Variants in BANK1 observed in about 807,000 individuals in gnomAD.
The protein encoded by BANK1 is B cell scaffold protein with ankyrin repeats 1.
Under a neutral mutation model 94.5 loss-of-function variants are expected in BANK1, and 95 were observed. That is an observed-to-expected ratio of 1.00 (90% CI 0.85 to 1.19). BANK1 has a LOEUF of 1.19. Among genes scored for constraint, BANK1 ranks in the 50% most tolerant of loss-of-function variants. The pLI, the probability that BANK1 is intolerant of heterozygous loss-of-function variation, is 0.00. For missense variants in BANK1, 987 were observed against 932.2 expected, an observed-to-expected ratio of 1.06 and a Z score of -0.77; for synonymous variants, 334 against 308.4, an observed-to-expected ratio of 1.08 and a Z score of -0.87.
chr4:101,847,555 A>T (rs578143905), intron 2 of BANK1, among the ~76,000 whole-genome samples: 2 of 152,024 alleles, frequency 1.3e-5, no homozygotes, highest in East Asian at 3.9e-4. Context: ...CCTCAAATCC[A>T]TTGCATCATT....
chr4:101,993,165 G>C (rs1025069325), intron 7 of BANK1, among the ~76,000 whole-genome samples: 4 of 152,222 alleles, frequency 2.6e-5, no homozygotes, highest in Admixed American at 2.6e-4. Flanking sequence ...TTCTGTACTG[G>C]ACCTGCCTAA....
At chr4:102,005,184 T>C (rs1163441142) in intron 7 of BANK1, among the ~76,000 whole-genome samples, 1 of 152,100 alleles carries the variant, frequency 6.6e-6, no homozygotes, top group Non-Finnish European at 1.5e-5. Flanking sequence ...TAAAATGTTA[T>C]CAAGAATATT....
At chr4:101,804,165 A>C (rs1167929855) in intron 1 of BANK1, among the ~76,000 whole-genome samples, 236 of 130,070 alleles carry the variant, frequency 1.8e-3, no homozygotes, top group African/African-American at 6.0e-3. Context: ...TAGTCACAAA[A>C]ATACAGACCA....
chr4:101,855,256 G>A, intron 3 of BANK1, 67 bp downstream of exon 3: 2 of 1,481,812 alleles, frequency 1.3e-6, no homozygotes, highest in Non-Finnish European at 9.1e-7. Flanking sequence ...GGTTGTTGTT[G>A]TTTGGAGAGA....
chr4:102,009,407 C>T (rs1726409655), intron 7 of BANK1, among the ~76,000 whole-genome samples: 1 of 152,204 alleles, frequency 6.6e-6, no homozygotes, highest in Non-Finnish European at 1.5e-5. Flanking sequence ...CCCAGATGCC[C>T]TACCTCTGCC....
intron 1 of BANK1, among the ~76,000 whole-genome samples, chr4:101,806,359 A>G (rs1304169634): frequency 6.6e-6 from 1 of 152,132 alleles, no homozygotes; most frequent in African/African-American, 2.4e-5. Context: ...AAAAAAATAA[A>G]AAATTAAGAT....
At chr4:101,905,601 T>G (rs938073371) in intron 6 of BANK1, among the ~76,000 whole-genome samples, 3 of 152,182 alleles carry the variant, frequency 2.0e-5, no homozygotes, top group Admixed American at 6.5e-5. Context: ...ATGACCATGC[T>G]TCCCACAGTT....
chr4:101,836,069 C>G (rs1726813434), intron 2 of BANK1, among the ~76,000 whole-genome samples: 1 of 152,064 alleles, frequency 6.6e-6, no homozygotes. Context: ...TCATCTAATT[C>G]TATTAATTTT....
intron 6 of BANK1, among the ~76,000 whole-genome samples, chr4:101,912,559 C>T (rs959768439): frequency 4.7e-5 from 7 of 147,906 alleles, no homozygotes; most frequent in African/African-American, 1.7e-4. Context: ...TAATAAATCT[C>T]TATAACATAT....
intron 5 of BANK1, among the ~76,000 whole-genome samples, chr4:101,888,101 C>T (rs962961508): frequency 1.3e-5 from 2 of 152,104 alleles, no homozygotes; most frequent in African/African-American, 2.4e-5. Flanking sequence ...AATGAGATGA[C>T]CTTTCTTTTA....
chr4:102,065,717 A>G (rs1425877942), intron 13 of BANK1, among the ~76,000 whole-genome samples: 1 of 151,994 alleles, frequency 6.6e-6, no homozygotes, highest in Non-Finnish European at 1.5e-5. Context: ...AAAAAAAATG[A>G]AACTATATAA....
chr4:101,877,015 A>C (rs1034313955), intron 5 of BANK1, among the ~76,000 whole-genome samples: 26 of 119,100 alleles, frequency 2.2e-4, no homozygotes, highest in African/African-American at 1.2e-3. Flanking sequence ...GAGAAAAAGA[A>C]AAAAAAAAAG....
chr4:101,883,381 G>C (rs1323846439), intron 5 of BANK1, among the ~76,000 whole-genome samples: 1 of 152,002 alleles, frequency 6.6e-6, no homozygotes, highest in Non-Finnish European at 1.5e-5. Context: ...CCTTAATATT[G>C]ATTCTCTACA....
intron 7 of BANK1, among the ~76,000 whole-genome samples, chr4:102,010,068 C>G (rs749370540): frequency 1.3e-5 from 2 of 151,966 alleles, no homozygotes; most frequent in East Asian, 3.9e-4. Context: ...AGATCGAGAC[C>G]ATCCTGGCTA....
chr4:101,913,040 T>C (rs1722717205), intron 6 of BANK1, among the ~76,000 whole-genome samples: 1 of 152,188 alleles, frequency 6.6e-6, no homozygotes, highest in South Asian at 2.1e-4. Flanking sequence ...GGTAGCATTC[T>C]ACCTGTAAGC....
intron 2 of BANK1, among the ~76,000 whole-genome samples, chr4:101,847,954 C>T (rs1056433180): frequency 1.4e-4 from 21 of 152,266 alleles, no homozygotes; most frequent in Admixed American, 7.9e-4. Context: ...ACCCCCTGCT[C>T]CTCTGGCCAT....
At chr4:101,792,753 T>G (rs1725041291) in intron 1 of BANK1, among the ~76,000 whole-genome samples, 1 of 152,154 alleles carries the variant, frequency 6.6e-6, no homozygotes, top group Non-Finnish European at 1.5e-5. Context: ...AGATAGAATG[T>G]ACTGCTAGAC....
chr4:101,813,184 T>C (rs918118686), intron 1 of BANK1, among the ~76,000 whole-genome samples: 1 of 152,174 alleles, frequency 6.6e-6, no homozygotes, highest in African/African-American at 2.4e-5. Context: ...TTGTGTTCTT[T>C]GTCCGTAAAT....
intron 7 of BANK1, among the ~76,000 whole-genome samples, chr4:101,930,471 TTTA>T (rs1362224432): frequency 1.3e-5 from 2 of 151,506 alleles, no homozygotes; most frequent in Admixed American, 6.6e-5. Flanking sequence ...GGGAGTGTTC[TTTA>T]TTATCTGTCC....
Sources: allele counts gnomAD v4.1 joint callset (sites outside exome capture counted in the v4.1 genomes callset), GRCh38; gene constraint gnomAD v4.1.1; transcripts MANE v1.5; gene names NCBI Gene and HGNC (gene_info 2026-07-23, HGNC 2026-07-21).